The following SEC24A variants were observed in gnomAD, a reference collection of about 807,000 sequenced individuals.
SEC24A encodes the protein protein transport protein Sec24A.
A neutral mutation model predicts 129.4 loss-of-function variants in SEC24A; 93 were observed. The ratio of observed to expected loss-of-function variants is 0.72; its 90% CI spans 0.61 to 0.85. SEC24A has a LOEUF of 0.85. SEC24A is among the 40% of genes least tolerant of loss of function. The pLI is 0.00. For synonymous variants in SEC24A, 460 were observed against 467.3 expected (o/e 0.98, Z 0.20); for missense variants, 1,264 against 1,307.4 (o/e 0.97, Z 0.51).
chr5:134,672,424 G>A (rs989723220), intron 4 of SEC24A, among the ~76,000 whole-genome samples: 4 of 152,252 alleles, frequency 2.6e-5, no homozygotes, highest in African/African-American at 9.6e-5. Context: ...CTGACCTCAA[G>A]TGATCTGCCC....
intron 4 of SEC24A, among the ~76,000 whole-genome samples, chr5:134,674,342 C>T (rs1339423528): frequency 6.6e-6 from 1 of 152,062 alleles, no homozygotes. Context: ...TAATCCCAGC[C>T]TGGACAACAT....
chr5:134,651,538 C>T (rs995840933), intron 1 of SEC24A, among the ~76,000 whole-genome samples: 4 of 151,486 alleles, frequency 2.6e-5, no homozygotes, highest in Admixed American at 6.6e-5. Context: ...CATAATGATC[C>T]GCCCACCCTG....
chr5:134,710,837 A>T (rs1052887172), intron 18 of SEC24A, among the ~76,000 whole-genome samples: 1 of 152,196 alleles, frequency 6.6e-6, no homozygotes, highest in Admixed American at 6.6e-5. Context: ...ATAAAATTTT[A>T]TTTAAAAGCT....
chr5:134,708,269 A>C lies in SEC24A; in HGVS notation c.2552-444A>C, dbSNP rs535928248. Reference sequence around the variant, plus strand: ...AGGACTGCTTGAGGCCAGGAGTTTGAGATCAGCCTGGGCAACATAGGGAGA... The same window carrying C: ...AGGACTGCTTGAGGCCAGGAGTTTGCGATCAGCCTGGGCAACATAGGGAGA... On this transcript the variant is annotated intron_variant, in intron 17 of 22. Transcript: ENST00000398844. 4.6e-5 allele frequency among the ~76,000 whole-genome samples: 7 copies of C among 152,346 alleles called. No homozygotes were observed. In the South Asian group the frequency reaches 1.4e-3, roughly 32 times the overall value.
intron 12 of SEC24A, chr5:134,692,919 C>G: frequency 1.1e-6 from 1 of 870,176 alleles, no homozygotes; most frequent in Non-Finnish European, 1.8e-6. Context: ...GGAAATCTGT[C>G]TTGTCAGCCA....
At chr5:134,689,827 T>A (rs1159584900) in intron 11 of SEC24A, among the ~76,000 whole-genome samples, 2 of 151,606 alleles carry the variant, frequency 1.3e-5, no homozygotes, top group African/African-American at 4.8e-5. Context: ...ACAATGAAAT[T>A]CTCACACGTG....
At chr5:134,707,832 A>G (rs1401849141) in intron 17 of SEC24A, among the ~76,000 whole-genome samples, 1 of 151,934 alleles carries the variant, frequency 6.6e-6, no homozygotes, top group African/African-American at 2.4e-5. Context: ...CTTTTTTTTT[A>G]AGTATTGAAA....
At chr5:134,685,947 C>T (rs1751435614) in intron 9 of SEC24A, among the ~76,000 whole-genome samples, 1 of 151,930 alleles carries the variant, frequency 6.6e-6, no homozygotes, top group African/African-American at 2.4e-5. Flanking sequence ...TGAGATCACA[C>T]CACTGCTCTC....
chr5:134,674,731 C>T lies in SEC24A; in HGVS notation c.934C>T (p.Pro312Ser), dbSNP rs770518020. Reference protein sequence around the residue: ...TTPPGATGVPPSSLNYPSGPQ... With the variant: ...TTPPGATGVPSSSLNYPSGPQ... ...ACCACCTGGTGCAACTGGAGTACCA[C>T]CCTCTTCCTTGAATTACCCAAGTGG... is the stretch of plus-strand genomic sequence containing the variant. The change falls in exon 5 of 23, where the codon CCC becomes TCC. Residue 312 changes from proline (P) to serine (S), a missense_variant. Pro to Ser is a moderately conservative substitution (Grantham distance 74). Transcript: ENST00000398844. The T allele has an allele frequency of 5.5e-5, 89 of 1,613,906 alleles. 1 individual carries two copies. The South Asian group carries it at 8.9e-4, about 16-fold the overall frequency.
chr5:134,653,156 G>C (rs1277651222), intron 1 of SEC24A, among the ~76,000 whole-genome samples: 2 of 151,596 alleles, frequency 1.3e-5, no homozygotes, highest in South Asian at 4.2e-4. Flanking sequence ...GGCCAGGATG[G>C]CCTCTATCTG....
At chr5:134,661,017 A>G in intron 1 of SEC24A, 102 bp from the exon 2 acceptor site, 1 of 819,220 alleles carries the variant, frequency 1.2e-6, no homozygotes, top group East Asian at 2.5e-5. Context: ...TAATTGAGTT[A>G]TGTGTTTTTA....
intron 20 of SEC24A, among the ~76,000 whole-genome samples, chr5:134,719,479 C>G (rs1029620548): frequency 6.6e-6 from 1 of 151,852 alleles, no homozygotes; most frequent in Non-Finnish European, 1.5e-5. Context: ...ATTCCTTTAG[C>G]CCAGGAATTC....
chr5:134,659,494 A>G (rs1750372808), intron 1 of SEC24A, among the ~76,000 whole-genome samples: 1 of 152,120 alleles, frequency 6.6e-6, no homozygotes, highest in Non-Finnish European at 1.5e-5. Flanking sequence ...CTTGTAATTG[A>G]TCCATATATG....
At position 134,653,249 on chromosome 5, in the gene SEC24A, T is replaced by C. The variant is rs75978598; in HGVS notation, c.97+4076T>C. ...CCACCATACCCGTTCCAGTTTCGTT[T>C]GTTTGTTTGTTTTTTAAAGAGCCTG... On this transcript the variant is annotated intron_variant, in intron 1 of 22. Transcript: ENST00000398844. 9.3e-3 allele frequency among the ~76,000 whole-genome samples: 1,406 copies of C among 151,778 alleles called. 17 individuals carry two copies. The highest frequency in any genetic ancestry group is 0.032 in the African/African-American group (1,323 of 41,412).
rs529240660 is a variant in SEC24A, at chr5:134,703,838, C to T, written c.2346C>T (p.Asp782=). Residue 782 remains aspartate (D), a synonymous_variant, in exon 16 of 23, where the codon GAC becomes GAT. Transcript: ENST00000398844. ...TGTCTTTGCCTAACGTCAACCCAGACGCTGGGTATGCAGTACAGATGTCAG... is the reference window on the plus strand; with the variant it reads ...TGTCTTTGCCTAACGTCAACCCAGATGCTGGGTATGCAGTACAGATGTCAG... The part of the protein sequence containing the change: ...DLLSLPNVNP[D]AGYAVQMSVE... The T allele has an allele frequency of 9.9e-6, 16 of 1,611,100 alleles. No homozygotes were observed. The highest frequency in any genetic ancestry group is 8.9e-5 in the East Asian group (4 of 44,852).
At chr5:134,683,989 C>T (rs1751363207) in intron 9 of SEC24A, among the ~76,000 whole-genome samples, 1 of 152,106 alleles carries the variant, frequency 6.6e-6, no homozygotes, top group African/African-American at 2.4e-5. Context: ...GAAGATAACT[C>T]TCAACACTAC....
intron 18 of SEC24A, 130 bp from the exon 19 acceptor site, chr5:134,714,894 C>T: frequency 1.1e-6 from 1 of 919,922 alleles, no homozygotes; most frequent in Non-Finnish European, 1.6e-6. Flanking sequence ...AAAAAAGATA[C>T]TTTAAAAAAA....
At chr5:134,698,117 A>G in intron 15 of SEC24A, 60 bp downstream of exon 15, 10 of 1,394,766 alleles carry the variant, frequency 7.2e-6, no homozygotes, top group East Asian at 4.6e-5. Flanking sequence ...GTAAATGTAC[A>G]TGTTTTTATC....
chr5:134,720,008 T>G (rs551665768), intron 20 of SEC24A, among the ~76,000 whole-genome samples: 1 of 152,286 alleles, frequency 6.6e-6, no homozygotes, highest in Admixed American at 6.5e-5. Flanking sequence ...TAAAAGAAGT[T>G]TATAAAGTTA....
Sources: allele counts gnomAD v4.1 joint callset (sites outside exome capture counted in the v4.1 genomes callset), GRCh38; gene constraint gnomAD v4.1.1; transcripts MANE v1.5; gene names NCBI Gene and HGNC (gene_info 2026-07-23, HGNC 2026-07-21).